SEL1L3: variants seen among roughly 807,000 people sequenced by gnomAD.
SEL1L3 encodes the protein protein sel-1 homolog 3.
A neutral mutation model predicts 142.8 loss-of-function variants in SEL1L3; 76 were observed. The observed-to-expected ratio is 0.53, with a 90% CI of 0.44 to 0.64. SEL1L3 has a LOEUF of 0.64. Among genes scored for constraint, SEL1L3 ranks in the 30% least tolerant of loss-of-function variants. SEL1L3 has a pLI of 0.00. For synonymous variants in SEL1L3, 504 were observed against 519.6 expected, an observed-to-expected ratio of 0.97 and a Z score of 0.41; for missense variants, 1,262 against 1,381.7, an observed-to-expected ratio of 0.91 and a Z score of 1.37.
At chr4:25,736,080 C>T in the SEL1L3 span, among the ~76,000 whole-genome samples, 3 of 152,018 alleles carry the variant, frequency 2.0e-5, no homozygotes, top group Admixed American at 6.6e-5. Flanking sequence ...CCACCCGCCT[C>T]GGCCTCCCAA....
intron 1 of SEL1L3, 93 bp from the exon 2 acceptor site, chr4:25,847,957 A>T: frequency 1.3e-6 from 1 of 797,798 alleles, no homozygotes; most frequent in African/African-American, 1.7e-5. Flanking sequence ...GGGATAAAAA[A>T]ATATCAATCT....
chr4:25,863,339 A>G, upstream of SEL1L3: 1 of 522,560 alleles, frequency 1.9e-6, no homozygotes, highest in Non-Finnish European at 3.4e-6. Flanking sequence ...GCGCTCCCAA[A>G]CCCCCTCTCT....
chr4:25,856,291 G>A (rs1560363428), intron 1 of SEL1L3, among the ~76,000 whole-genome samples: 1 of 152,120 alleles, frequency 6.6e-6, no homozygotes, highest in Non-Finnish European at 1.5e-5. Context: ...CAGCTTTGTG[G>A]AGATAATGCC....
intron 1 of SEL1L3, among the ~76,000 whole-genome samples, chr4:25,849,381 A>T (rs1200924471): frequency 6.6e-6 from 1 of 152,220 alleles, no homozygotes; most frequent in Admixed American, 6.5e-5. Context: ...GTATGCTGTA[A>T]AATGGATGAA....
chr4:25,748,144 C>T lies in SEL1L3; in HGVS notation c.*281G>A. ...GGCATGCTATGACTCCTAATACATA[C>T]AATCACTAGAACAAAAGTCTGTGAT... On this transcript the variant is annotated 3_prime_UTR_variant, in exon 24 of 24. Coordinates refer to ENST00000399878, the MANE Select transcript of SEL1L3 (RefSeq NM_015187.5). 7.2e-6 allele frequency: 3 copies of T among 417,100 alleles called. No individual in the cohort carries two copies. In the South Asian group the frequency reaches 8.7e-5, roughly 12 times the overall value. The allele number at this position is 417,100 out of a possible 1,614,324, so 25.8% of individuals were successfully genotyped here.
At chr4:25,719,970 C>G in the SEL1L3 span, 1 of 152,054 alleles carries the variant, frequency 6.6e-6, no homozygotes, top group Non-Finnish European at 1.5e-5. Context: ...GATTGATAGA[C>G]TAATACTCCT....
intron 1 of SEL1L3, among the ~76,000 whole-genome samples, chr4:25,852,783 C>T (rs1054136825): frequency 6.6e-6 from 1 of 152,124 alleles, no homozygotes; most frequent in African/African-American, 2.4e-5. Flanking sequence ...TCATGTATAC[C>T]TTAAAAACTC....
chr4:25,803,899 T>C (rs1396206092), intron 10 of SEL1L3, among the ~76,000 whole-genome samples: 1 of 152,118 alleles, frequency 6.6e-6, no homozygotes, highest in African/African-American at 2.4e-5. Context: ...TTGGCTTTCC[T>C]GGCCCTCAGC....
intron 17 of SEL1L3, among the ~76,000 whole-genome samples, chr4:25,771,525 G>A (rs1013607842): frequency 3.3e-5 from 5 of 152,062 alleles, no homozygotes; most frequent in African/African-American, 1.2e-4. Context: ...TTTTGCACGT[G>A]CTCTTTTCTG....
chr4:25,752,543 C>T (rs934589137), intron 23 of SEL1L3, among the ~76,000 whole-genome samples: 5 of 151,912 alleles, frequency 3.3e-5, no homozygotes, highest in Non-Finnish European at 5.9e-5. Context: ...GTGGGTATTA[C>T]CTAGTGTCAG....
At chr4:25,786,895 T>C (rs1021572033) in intron 13 of SEL1L3, among the ~76,000 whole-genome samples, 1 of 152,206 alleles carries the variant, frequency 6.6e-6, no homozygotes, top group Non-Finnish European at 1.5e-5. Flanking sequence ...GGGTTAGAAA[T>C]GTAGCCACAG....
At chr4:25,790,827 G>A (rs1348895757) in intron 11 of SEL1L3, among the ~76,000 whole-genome samples, 2 of 151,792 alleles carry the variant, frequency 1.3e-5, no homozygotes, top group Non-Finnish European at 1.5e-5. Flanking sequence ...AGGGAAGGAA[G>A]GAAGGAAGGA....
Position 25,767,814 on chromosome 4 carries a change from A to G in SEL1L3, c.2686T>C (p.Tyr896His), listed in dbSNP as rs1349142823. 2 of 1,564,686 alleles carry G rather than the reference A, an allele frequency of 1.3e-6. No individual in the cohort carries two copies. The highest frequency in any genetic ancestry group is 1.7e-6 in the Non-Finnish European group (2 of 1,151,792). Residue 896 changes from tyrosine to histidine, a missense_variant, in exon 18 of 24, where the codon TAT (tyrosine) becomes CAT (histidine). Tyr to His is a moderately conservative substitution (Grantham distance 83). Coordinates refer to ENST00000399878, the MANE Select transcript of SEL1L3 (RefSeq NM_015187.5). ...LEGSWHEALL[Y>H]YVLAAETGIE... The stretch of plus-strand genomic sequence containing the variant: ...CCAGTTTCTGCTGCTAAAACATAAT[A>G]CAGCAAAGCTTCATGCCTAAAAATA...
rs116028138 is a variant in SEL1L3 at position 25,768,599 on chromosome 4, A to G, written c.2670-769T>C. 2.4e-3 allele frequency among the ~76,000 whole-genome samples: 366 copies of G among 152,340 alleles called. 2 individuals carry two copies. Among genetic ancestry groups the G allele is most frequent in the African/African-American group, 8.4e-3 (350 of 41,574 alleles). ...TGTGGGGGTTTATTCTAAAGAAACA[A>G]TCAGAGATATGTGCAAAGATTCTGT... is the stretch of plus-strand genomic sequence containing the variant. On this transcript the variant is annotated intron_variant, in intron 17 of 23. Coordinates refer to ENST00000399878, the MANE Select transcript of SEL1L3 (RefSeq NM_015187.5).
At position 25,847,594 on chromosome 4, in the gene SEL1L3, T is replaced by C; in HGVS notation, c.433A>G (p.Ile145Val). ...ATGCTTGGAAATTTCACATGTACTA[T>C]TTGTGTCCTGCTGGTGTGAAGATGT... ...EKHLHTSRTQ[I>V]VHVKFPSIMV... The change falls in exon 2 of 24, where the codon ATA becomes GTA. Residue 145 changes from isoleucine (I) to valine (V), a missense_variant. By Grantham distance (29) the Ile-to-Val change is conservative. Coordinates refer to ENST00000399878, the MANE Select transcript of SEL1L3 (RefSeq NM_015187.5). The C allele has an allele frequency of 6.2e-7, 1 of 1,614,042 alleles. No individual in the cohort carries two copies. Among genetic ancestry groups the C allele is most frequent in the South Asian group, 1.1e-5 (1 of 91,076 alleles).
At chr4:25,723,630 T>A in the SEL1L3 span, among the ~76,000 whole-genome samples, 1 of 152,192 alleles carries the variant, frequency 6.6e-6, no homozygotes, top group African/African-American at 2.4e-5. Context: ...TGATTTGCAA[T>A]GGTTCCTGTA....
intron 11 of SEL1L3, 59 bp downstream of exon 11, chr4:25,802,224 C>T: frequency 1.3e-6 from 2 of 1,495,656 alleles, no homozygotes; most frequent in Non-Finnish European, 1.8e-6. Context: ...GGGGCAGACA[C>T]TTCATGAAAG....
At position 25,847,813 on chromosome 4, in the gene SEL1L3, G is replaced by T. The variant is rs748521146; in HGVS notation, c.214C>A (p.Pro72Thr). The T allele has an allele frequency of 1.6e-5, 25 of 1,608,284 alleles. No homozygotes were observed. The South Asian group carries it at 2.4e-4, about 16-fold the overall frequency. The change falls in exon 2 of 24, where the codon CCC (proline) becomes ACC (threonine). Residue 72 changes from proline (P) to threonine (T), a missense_variant. By Grantham distance (38) the Pro-to-Thr change is conservative (BLOSUM62 -1). Transcript: ENST00000399878. ...RQTSLTTSVI[P>T]KAEQSVAYKD... Reference sequence around the variant, plus strand: ...TAAGCCACGCTCTGCTCAGCTTTGGGTATCACTGATGTCGTCAGGGAAGTC... The same window carrying T: ...TAAGCCACGCTCTGCTCAGCTTTGGTTATCACTGATGTCGTCAGGGAAGTC...
At chr4:25,750,001 G>A (rs896312332) in intron 23 of SEL1L3, among the ~76,000 whole-genome samples, 8 of 152,112 alleles carry the variant, frequency 5.3e-5, no homozygotes, top group African/African-American at 1.2e-4. Flanking sequence ...CGGGAGGCCC[G>A]GACGGCCGGA....
Sources: gnomAD v4.1 joint callset for allele counts (sites outside exome capture counted in the v4.1 genomes callset) on GRCh38, gnomAD v4.1.1 for gene constraint, MANE v1.5 for transcripts, NCBI Gene and HGNC (gene_info 2026-07-23, HGNC 2026-07-21) for gene names.